Variants in FAF1 observed in about 807,000 individuals in gnomAD.
FAF1 encodes FAS-associated factor 1.
A neutral mutation model predicts 92.5 loss-of-function variants in FAF1; 25 were observed. The observed-to-expected ratio is 0.27, with a 90% CI of 0.20 to 0.38. FAF1 has a LOEUF of 0.38. Among genes scored for constraint, FAF1 ranks in the 10% least tolerant of loss-of-function variants. The pLI is 1.00. For synonymous variants in FAF1, 234 were observed against 273.2 expected (o/e 0.86, Z 1.42); for missense variants, 636 against 793.3 (o/e 0.80, Z 2.38).
At chr1:50,677,660 C>T (rs1656183852) in intron 7 of FAF1, among the ~76,000 whole-genome samples, 1 of 151,918 alleles carries the variant, frequency 6.6e-6, no homozygotes, top group African/African-American at 2.4e-5. Context: ...TTTGGGAGGC[C>T]AAGGTGGGTG....
intron 1 of FAF1, among the ~76,000 whole-genome samples, chr1:50,935,480 T>TA (rs1645078885): frequency 6.7e-6 from 1 of 149,968 alleles, no homozygotes; most frequent in African/African-American, 2.5e-5. Flanking sequence ...CTCTCTTTTT[T>TA]TTTTTTTTGA....
At chr1:50,768,293 T>C (rs999355058) in intron 4 of FAF1, among the ~76,000 whole-genome samples, 4 of 152,210 alleles carry the variant, frequency 2.6e-5, no homozygotes, top group African/African-American at 4.8e-5. Context: ...CGGATTCATA[T>C]AGCAAGTTCT....
chr1:50,813,352 A>G (rs1643934980), intron 2 of FAF1, among the ~76,000 whole-genome samples: 1 of 152,212 alleles, frequency 6.6e-6, no homozygotes, highest in Non-Finnish European at 1.5e-5. Flanking sequence ...CACTGAGAGG[A>G]AAACCATTGC....
At chr1:50,884,728 T>C (rs1003012056) in intron 1 of FAF1, among the ~76,000 whole-genome samples, 3 of 152,126 alleles carry the variant, frequency 2.0e-5, no homozygotes, top group African/African-American at 7.2e-5. Flanking sequence ...TTTTTTGGTT[T>C]GTTTTTTGTT....
intron 1 of FAF1, among the ~76,000 whole-genome samples, chr1:50,871,058 T>C (rs1306055765): frequency 2.6e-5 from 4 of 152,184 alleles, no homozygotes; most frequent in African/African-American, 9.6e-5. Flanking sequence ...ATAGAGAAAG[T>C]TTTAGTGGTC....
rs1382647351 is a variant in FAF1 at position 50,836,980 on chromosome 1, T to TG, written c.114+20948dup. Among the ~76,000 whole-genome samples the TG allele has an allele frequency of 9.7e-5, 12 of 123,864 alleles. No homozygotes were observed. The East Asian group carries it at 2.6e-3, about 27-fold the overall frequency. The allele number at this position is 123,864 out of a possible 152,430, so 81.3% of individuals were successfully genotyped here. A position where few individuals can be genotyped will look rare whatever the true frequency, so the allele number is the denominator to read the frequency against. ...TTTTTTTTTTTTTTTTTTTTTGAGATGGAGTCTTGCTCTGTCGCCCAGGCT... is the reference window on the plus strand; with the variant it reads ...TTTTTTTTTTTTTTTTTTTTTGAGATGGGAGTCTTGCTCTGTCGCCCAGGCT... On this transcript the variant is annotated intron_variant, in intron 2 of 18. Transcript: ENST00000396153.
intron 8 of FAF1, among the ~76,000 whole-genome samples, chr1:50,654,032 C>T (rs895065568): frequency 6.6e-6 from 1 of 152,118 alleles, no homozygotes; most frequent in Admixed American, 6.6e-5. Flanking sequence ...TCATAATCCA[C>T]AAAGCATGTT....
intron 2 of FAF1, among the ~76,000 whole-genome samples, chr1:50,843,197 G>A (rs1402915022): frequency 6.6e-6 from 1 of 151,976 alleles, no homozygotes; most frequent in African/African-American, 2.4e-5. Context: ...AATATTGAGG[G>A]CCGTGTGTCA....
At chr1:50,597,440 T>C (rs1204440750) in intron 8 of FAF1, among the ~76,000 whole-genome samples, 1 of 152,048 alleles carries the variant, frequency 6.6e-6, no homozygotes, top group East Asian at 1.9e-4. Flanking sequence ...ATGATGATGC[T>C]TATATATAAA....
chr1:50,720,270 C>T (rs1658353921), intron 6 of FAF1, among the ~76,000 whole-genome samples: 1 of 152,098 alleles, frequency 6.6e-6, no homozygotes, highest in Non-Finnish European at 1.5e-5. Flanking sequence ...AAAAATGAGC[C>T]ACTTTTAAGT....
intron 6 of FAF1, among the ~76,000 whole-genome samples, chr1:50,718,323 C>T (rs955066041): frequency 3.3e-5 from 5 of 152,158 alleles, no homozygotes; most frequent in African/African-American, 9.7e-5. Context: ...GCACCGTGCC[C>T]GGCCACAATC....
intron 2 of FAF1, among the ~76,000 whole-genome samples, chr1:50,855,872 G>A (rs924394178): frequency 2.0e-5 from 3 of 151,774 alleles, no homozygotes; most frequent in Non-Finnish European, 4.4e-5. Flanking sequence ...CTGATACAGT[G>A]TATGATTGCA....
At chr1:50,781,349 A>AG (rs1316715277) in intron 4 of FAF1, among the ~76,000 whole-genome samples, 1 of 152,204 alleles carries the variant, frequency 6.6e-6, no homozygotes, top group East Asian at 1.9e-4. Context: ...AAAAGAAAGT[A>AG]GGGGGTGTCA....
At chr1:50,608,471 T>G (rs1652528807) in intron 8 of FAF1, among the ~76,000 whole-genome samples, 1 of 152,178 alleles carries the variant, frequency 6.6e-6, no homozygotes, top group Admixed American at 6.5e-5. Flanking sequence ...TCTTTGGAAG[T>G]CTGCCCAGGC....
chr1:50,807,250 A>C (rs1662241508), intron 2 of FAF1, among the ~76,000 whole-genome samples: 1 of 152,266 alleles, frequency 6.6e-6, no homozygotes. Context: ...CAGGTGTATT[A>C]GTTCATTCTC....
At chr1:50,722,136 A>T (rs753785494) in intron 6 of FAF1, among the ~76,000 whole-genome samples, 1 of 152,212 alleles carries the variant, frequency 6.6e-6, no homozygotes, top group Non-Finnish European at 1.5e-5. Flanking sequence ...TTGCTCATCT[A>T]TTCCTGAAAG....
At chr1:50,490,210 A>C (rs1646814253) in intron 17 of FAF1, among the ~76,000 whole-genome samples, 1 of 152,052 alleles carries the variant, frequency 6.6e-6, no homozygotes, top group Admixed American at 6.6e-5. Context: ...AAATACAAAA[A>C]TTAGCCAGGC....
chr1:50,790,806 A>G (rs960410083), intron 3 of FAF1, among the ~76,000 whole-genome samples: 1 of 152,010 alleles, frequency 6.6e-6, no homozygotes, highest in Non-Finnish European at 1.5e-5. Context: ...TTTATTTTAT[A>G]TTTAATTTCC....
chr1:50,760,476 T>C (rs1010738406), intron 4 of FAF1, among the ~76,000 whole-genome samples: 3 of 152,114 alleles, frequency 2.0e-5, no homozygotes, highest in African/African-American at 7.2e-5. Context: ...ACAGAAATTA[T>C]AACAAACTGT....
Sources: gnomAD v4.1 joint callset for allele counts (sites outside exome capture counted in the v4.1 genomes callset) on GRCh38, gnomAD v4.1.1 for gene constraint, MANE v1.5 for transcripts, NCBI Gene and HGNC (gene_info 2026-07-23, HGNC 2026-07-21) for gene names.